Variants in TMEM74 observed in about 807,000 individuals in gnomAD.
The protein encoded by TMEM74 is transmembrane protein 74.
Under a neutral mutation model 18.1 loss-of-function variants are expected in TMEM74, and 13 were observed. That is an observed-to-expected ratio of 0.72 (90% CI 0.47 to 1.14). The LOEUF is 1.14. Among genes scored for constraint, TMEM74 ranks in the 50% most tolerant of loss-of-function variants. The pLI, the probability that TMEM74 is intolerant of heterozygous loss-of-function variation, is 0.00. For missense variants in TMEM74, 372 were observed against 375.9 expected (o/e 0.99, Z 0.09); for synonymous variants, 159 against 146.6 (o/e 1.08, Z -0.61).
At chr8:108,690,112 C>T (rs1199527359) in intron 1 of TMEM74, among the ~76,000 whole-genome samples, 2 of 151,924 alleles carry the variant, frequency 1.3e-5, no homozygotes, top group Admixed American at 6.6e-5. Context: ...GGACTACACA[C>T]ATATGTATGT....
downstream of TMEM74, among the ~76,000 whole-genome samples, chr8:108,776,734 GATGA>G (rs1814237976): frequency 6.7e-6 from 1 of 148,836 alleles, no homozygotes; most frequent in Non-Finnish European, 1.5e-5. Flanking sequence ...TCCACATGAT[GATGA>G]TGATGATGAT....
At chr8:108,670,826 A>G (rs1472765265) in intron 1 of TMEM74, among the ~76,000 whole-genome samples, 6 of 152,178 alleles carry the variant, frequency 3.9e-5, no homozygotes, top group Non-Finnish European at 7.4e-5. Context: ...ACAAAAAGAA[A>G]AAAGAAAATA....
intron 1 of TMEM74, among the ~76,000 whole-genome samples, chr8:108,699,768 G>T (rs1316914340): frequency 6.6e-6 from 1 of 152,080 alleles, no homozygotes; most frequent in Admixed American, 6.5e-5. Context: ...CTGGAATTGG[G>T]TATTCTCTGG....
intron 1 of TMEM74, among the ~76,000 whole-genome samples, chr8:108,672,255 G>C (rs1287228654): frequency 6.6e-6 from 1 of 152,104 alleles, no homozygotes; most frequent in Non-Finnish European, 1.5e-5. Context: ...GGGAGGAAAA[G>C]AAGAAAAAAT....
At chr8:108,700,374 AT>A (rs777154585) in intron 1 of TMEM74, among the ~76,000 whole-genome samples, 2 of 152,066 alleles carry the variant, frequency 1.3e-5, no homozygotes, top group Non-Finnish European at 2.9e-5. Context: ...TTTGGGATGT[AT>A]TTTCTTTCTC....
At chr8:108,757,533 G>GT (rs1310400446) in intron 1 of TMEM74, among the ~76,000 whole-genome samples, 2 of 151,898 alleles carry the variant, frequency 1.3e-5, no homozygotes, top group Non-Finnish European at 1.5e-5. Flanking sequence ...AATAGAGTAA[G>GT]TTAATTAGTC....
rs996933037 is a variant in TMEM74, at chr8:108,780,603, T to C, written c.*3578A>G. Among the ~76,000 whole-genome samples, 3 of 152,110 alleles carry C rather than the reference T, an allele frequency of 2.0e-5. No individual in the cohort carries two copies. The highest frequency in any genetic ancestry group is 4.4e-5 in the Non-Finnish European group (3 of 68,018). On this transcript the variant is annotated 3_prime_UTR_variant, in exon 2 of 2. Transcript: ENST00000297459. ...AGGGCATGTGCCAGCACTGGTCCAA[T>C]TGGGTCCCTAAAACAAATAAGTATG...
At chr8:108,757,040 T>C (rs1356241408) in intron 1 of TMEM74, among the ~76,000 whole-genome samples, 3 of 152,094 alleles carry the variant, frequency 2.0e-5, no homozygotes, top group Admixed American at 2.0e-4. Context: ...GTAATTCCAT[T>C]AATCATTTTT....
chr8:108,759,252 G>A (rs1474342698), intron 1 of TMEM74, among the ~76,000 whole-genome samples: 2 of 152,014 alleles, frequency 1.3e-5, no homozygotes, highest in Admixed American at 6.6e-5. Flanking sequence ...AGTTGTGAGG[G>A]TGGATTAAGT....
At chr8:108,635,422 C>T (rs1219242926) in intron 2 of TMEM74, among the ~76,000 whole-genome samples, 1 of 151,998 alleles carries the variant, frequency 6.6e-6, no homozygotes, top group East Asian at 1.9e-4. Context: ...CAATGTTTTC[C>T]TTGGGTTTCT....
At chr8:108,704,159 G>A (rs1437763716) in intron 1 of TMEM74, among the ~76,000 whole-genome samples, 1 of 152,200 alleles carries the variant, frequency 6.6e-6, no homozygotes, top group Non-Finnish European at 1.5e-5. Context: ...GAAGAGAAGA[G>A]AGTTAGTAAT....
chr8:108,610,340 C>A (rs1812322553), intron 2 of TMEM74, among the ~76,000 whole-genome samples: 2 of 152,160 alleles, frequency 1.3e-5, no homozygotes, highest in South Asian at 4.1e-4. Flanking sequence ...TATGGACCTC[C>A]AGAAATGCAT....
intron 1 of TMEM74, among the ~76,000 whole-genome samples, chr8:108,756,994 T>G (rs1237286982): frequency 6.6e-6 from 1 of 152,132 alleles, no homozygotes; most frequent in African/African-American, 2.4e-5. Flanking sequence ...CCTGATTATT[T>G]TTCTCAATAG....
chr8:108,645,909 T>C (rs1812712695), intron 2 of TMEM74, among the ~76,000 whole-genome samples: 1 of 152,258 alleles, frequency 6.6e-6, no homozygotes, highest in Non-Finnish European at 1.5e-5. Context: ...ACAGGGAAGC[T>C]ATGGCAATGA....
intron 1 of TMEM74, among the ~76,000 whole-genome samples, chr8:108,695,785 T>C (rs987757067): frequency 2.9e-4 from 44 of 152,202 alleles, no homozygotes; most frequent in Non-Finnish European, 4.4e-5. Flanking sequence ...GGCATACTTT[T>C]CTTCCCCTGT....
At chr8:108,711,928 T>A (rs1044797223) in intron 1 of TMEM74, among the ~76,000 whole-genome samples, 1 of 152,024 alleles carries the variant, frequency 6.6e-6, no homozygotes, top group Non-Finnish European at 1.5e-5. Flanking sequence ...GAGTTGCATA[T>A]CTATATCTAT....
chr8:108,620,587 T>G (rs555715703), intron 2 of TMEM74, among the ~76,000 whole-genome samples: 1 of 152,196 alleles, frequency 6.6e-6, no homozygotes, highest in Non-Finnish European at 1.5e-5. Flanking sequence ...ATATCCTTTG[T>G]GGTGAAGCTG....
intron 1 of TMEM74, among the ~76,000 whole-genome samples, chr8:108,662,575 G>A (rs1563743468): frequency 6.6e-6 from 1 of 152,064 alleles, no homozygotes. Flanking sequence ...TTTTTCTTCT[G>A]GATGTATTAC....
intron 1 of TMEM74, 97 bp downstream of exon 1, chr8:108,787,379 G>T (rs779441997): frequency 6.6e-6 from 1 of 152,238 alleles, no homozygotes; most frequent in African/African-American, 2.4e-5. Flanking sequence ...GGAGACGAAG[G>T]AGAGAGAGCG....
Sources: gnomAD v4.1 joint callset for allele counts (sites outside exome capture counted in the v4.1 genomes callset) on GRCh38, gnomAD v4.1.1 for gene constraint, MANE v1.5 for transcripts, NCBI Gene and HGNC (gene_info 2026-07-23, HGNC 2026-07-21) for gene names.